The following HPSE2 variants were observed in gnomAD, a reference collection of about 807,000 sequenced individuals.
The protein encoded by HPSE2 is heparanase 2 (inactive).
A neutral mutation model predicts 60.5 loss-of-function variants in HPSE2; 38 were observed. The observed-to-expected ratio is 0.63, with a 90% CI of 0.48 to 0.82. The LOEUF (loss-of-function observed/expected upper bound fraction) is 0.82, where lower values mean the gene tolerates loss of function less well. HPSE2 is among the 40% of genes least tolerant of loss of function. The pLI is 0.00. For synonymous variants in HPSE2, 295 were observed against 293.2 expected (o/e 1.01, Z -0.06); for missense variants, 713 against 740.4 (o/e 0.96, Z 0.43).
intron 9 of HPSE2, among the ~76,000 whole-genome samples, chr10:98,526,403 C>A (rs542386): frequency 0.057 from 8,640 of 152,268 alleles, 281 homozygotes; most frequent in South Asian, 0.088. Context: ...TGTATCAGAG[C>A]AACTCCGATG....
At chr10:98,514,820 G>A (rs151032911) in intron 9 of HPSE2, among the ~76,000 whole-genome samples, 1 of 144,872 alleles carries the variant, frequency 6.9e-6, no homozygotes, top group Admixed American at 7.2e-5. Context: ...CCTGGATCAA[G>A]CAATTCCTCT....
At chr10:98,543,533 C>A (rs1482851170) in intron 9 of HPSE2, among the ~76,000 whole-genome samples, 1 of 152,126 alleles carries the variant, frequency 6.6e-6, no homozygotes, top group Non-Finnish European at 1.5e-5. Flanking sequence ...CACAGACTGG[C>A]AAACTGGAAA....
chr10:99,108,809 T>C (rs1373620086), intron 3 of HPSE2, among the ~76,000 whole-genome samples: 2 of 152,214 alleles, frequency 1.3e-5, no homozygotes, highest in Admixed American at 6.5e-5. Flanking sequence ...GTTAAGTATA[T>C]GGCACATTTT....
chr10:98,672,866 A>G (rs1947542003), intron 6 of HPSE2, among the ~76,000 whole-genome samples: 1 of 152,192 alleles, frequency 6.6e-6, no homozygotes. Context: ...AAAAAAGATA[A>G]CTACTAATGA....
chr10:98,721,986 C>T (rs1281715932), intron 4 of HPSE2, among the ~76,000 whole-genome samples, 158 bp from the exon 5 acceptor site: 1 of 149,104 alleles, frequency 6.7e-6, no homozygotes, highest in Non-Finnish European at 1.5e-5. Flanking sequence ...ACCACCCAAA[C>T]AAAAAAAGGT....
At chr10:99,235,920 C>A, upstream of HPSE2, 2 of 763,696 alleles carry the variant, frequency 2.6e-6, no homozygotes, top group African/African-American at 1.8e-5. Flanking sequence ...CCTCCCACCA[C>A]CCCCCCAACA....
At chr10:98,852,220 A>C (rs1328739341) in intron 3 of HPSE2, among the ~76,000 whole-genome samples, 2 of 146,822 alleles carry the variant, frequency 1.4e-5, no homozygotes, top group African/African-American at 5.1e-5. Context: ...CATAGCCCTT[A>C]TTACAATGTT....
At chr10:98,614,441 C>T (rs910688482) in intron 9 of HPSE2, among the ~76,000 whole-genome samples, 4 of 151,912 alleles carry the variant, frequency 2.6e-5, no homozygotes, top group African/African-American at 4.8e-5. Context: ...CACAGGTGCC[C>T]GCCATCACAC....
rs116174718 is a variant in HPSE2 at position 99,060,707 on chromosome 10, C to T, written c.610+83531G>A. ...AAAGGTGAGCAATCTAAGTGTCCAT[C>T]AACAGACTAATGGATAAAGAAAATG... On this transcript the variant is annotated intron_variant, in intron 3 of 11. Transcript: ENST00000370552. Among the ~76,000 whole-genome samples, 618 of 133,886 alleles carry T rather than the reference C, an allele frequency of 4.6e-3. 3 individuals carry two copies. The highest frequency in any genetic ancestry group is 0.016 in the African/African-American group (591 of 36,796). The allele number at this position is 133,886 out of a possible 152,430, so 87.8% of individuals were successfully genotyped here.
At chr10:99,094,387 A>ATG (rs965381426) in intron 3 of HPSE2, among the ~76,000 whole-genome samples, 3 of 150,860 alleles carry the variant, frequency 2.0e-5, no homozygotes, top group African/African-American at 7.3e-5. Flanking sequence ...AAGTAAAAGT[A>ATG]TGTGTATACA....
chr10:99,260,487 A>T, the HPSE2 span, among the ~76,000 whole-genome samples: 1 of 152,006 alleles, frequency 6.6e-6, no homozygotes, highest in South Asian at 2.1e-4. Flanking sequence ...CAGTCTTTTC[A>T]CTCTTCTCCA....
intron 2 of HPSE2, among the ~76,000 whole-genome samples, chr10:99,193,961 A>G (rs1404159556): frequency 1.3e-5 from 2 of 152,072 alleles, no homozygotes; most frequent in Non-Finnish European, 1.5e-5. Flanking sequence ...ATTTCATCCA[A>G]GAGCTGGAGA....
chr10:98,502,834 A>G (rs898268327), intron 9 of HPSE2, among the ~76,000 whole-genome samples: 1 of 152,238 alleles, frequency 6.6e-6, no homozygotes, highest in African/African-American at 2.4e-5. Context: ...AGAAAAAAAC[A>G]AACAATCCAT....
intron 3 of HPSE2, among the ~76,000 whole-genome samples, chr10:98,829,177 A>T (rs1253223023): frequency 2.0e-5 from 3 of 152,122 alleles, no homozygotes; most frequent in Admixed American, 6.6e-5. Flanking sequence ...CCAGGGGATA[A>T]CAGGAAGAGA....
At chr10:98,842,184 T>A (rs1382291409) in intron 3 of HPSE2, among the ~76,000 whole-genome samples, 1 of 152,228 alleles carries the variant, frequency 6.6e-6, no homozygotes, top group Non-Finnish European at 1.5e-5. Context: ...CATCCACTAT[T>A]GTAATTTCTT....
At chr10:98,537,348 G>T (rs989387697) in intron 9 of HPSE2, among the ~76,000 whole-genome samples, 1 of 152,170 alleles carries the variant, frequency 6.6e-6, no homozygotes, top group Non-Finnish European at 1.5e-5. Context: ...GTGAGTGTGG[G>T]CGGAGGATTA....
chr10:99,082,065 T>C lies in HPSE2; in HGVS notation c.610+62173A>G, dbSNP rs1330469068. Reference sequence around the variant, plus strand: ...ACGGTTAATCCTTCTTTCAAAGCTCTTCAGATGACTAAAAGCAATGACATA... The same window carrying C: ...ACGGTTAATCCTTCTTTCAAAGCTCCTCAGATGACTAAAAGCAATGACATA... On this transcript the variant is annotated intron_variant, in intron 3 of 11. Transcript: ENST00000370552. 5.9e-5 allele frequency among the ~76,000 whole-genome samples: 9 copies of C among 152,304 alleles called. No individual in the cohort carries two copies. In the East Asian group the frequency reaches 1.7e-3, roughly 29 times the overall value.
At chr10:99,225,114 AAAAT>A (rs1849431018) in intron 2 of HPSE2, among the ~76,000 whole-genome samples, 1 of 152,164 alleles carries the variant, frequency 6.6e-6, no homozygotes, top group African/African-American at 2.4e-5. Context: ...AAGGCAGAAT[AAAAT>A]AAACATAAAT....
intron 2 of HPSE2, among the ~76,000 whole-genome samples, chr10:99,153,231 G>C (rs1429409250): frequency 3.9e-5 from 6 of 152,260 alleles, no homozygotes; most frequent in Middle Eastern, 3.4e-3. Flanking sequence ...CTGGAAGCTC[G>C]AACTGGGTGG....
Sources: gnomAD v4.1 joint callset for allele counts (sites outside exome capture counted in the v4.1 genomes callset) on GRCh38, gnomAD v4.1.1 for gene constraint, MANE v1.5 for transcripts, NCBI Gene and HGNC (gene_info 2026-07-23, HGNC 2026-07-21) for gene names.